The following PDIA5 variants were observed in gnomAD, a reference collection of about 807,000 sequenced individuals.
PDIA5 encodes the protein protein disulfide-isomerase A5.
Under a neutral mutation model 77.6 loss-of-function variants are expected in PDIA5, and 58 were observed. That is an observed-to-expected ratio of 0.75 (90% confidence interval 0.61 to 0.93). PDIA5 has a LOEUF of 0.93. Among genes scored for constraint, PDIA5 ranks in the 40% least tolerant of loss-of-function variants. PDIA5 has a pLI of 0.00. For synonymous variants in PDIA5, 250 were observed against 252.1 expected (o/e 0.99, Z 0.08); for missense variants, 630 against 647.7 (o/e 0.97, Z 0.30).
At chr3:123,137,861 T>A (rs1221199934) in intron 11 of PDIA5, among the ~76,000 whole-genome samples, 1 of 152,206 alleles carries the variant, frequency 6.6e-6, no homozygotes, top group Non-Finnish European at 1.5e-5. Context: ...GATATTAAAA[T>A]AGTGCCCTAT....
chr3:123,131,095 G>A (rs1478753276), intron 11 of PDIA5, among the ~76,000 whole-genome samples: 1 of 152,154 alleles, frequency 6.6e-6, no homozygotes, highest in Non-Finnish European at 1.5e-5. Context: ...CACATAGCAA[G>A]ACCCCATCTC....
At chr3:123,138,032 A>G (rs1309447947) in intron 11 of PDIA5, among the ~76,000 whole-genome samples, 42 of 152,280 alleles carry the variant, frequency 2.8e-4, no homozygotes, top group Non-Finnish European at 2.9e-5. Flanking sequence ...TGCAATTTCA[A>G]ACTCCTGGGT....
chr3:123,156,471 C>T (rs992974831), intron 15 of PDIA5, among the ~76,000 whole-genome samples: 2 of 152,232 alleles, frequency 1.3e-5, no homozygotes, highest in African/African-American at 4.8e-5. Context: ...TCATTGTTCC[C>T]ACCCACTTGT....
intron 7 of PDIA5, among the ~76,000 whole-genome samples, chr3:123,116,030 C>G (rs1322339212): frequency 1.3e-5 from 2 of 152,246 alleles, no homozygotes; most frequent in Non-Finnish European, 2.9e-5. Context: ...TTGTTTTGCA[C>G]CACTGATACA....
chr3:123,143,160 G>T (rs1489018439), intron 11 of PDIA5, among the ~76,000 whole-genome samples: 7 of 86,590 alleles, frequency 8.1e-5, no homozygotes, highest in Non-Finnish European at 2.1e-5. Context: ...GCCAAGGTGG[G>T]TGGATCACAG....
intron 11 of PDIA5, among the ~76,000 whole-genome samples, chr3:123,140,701 G>A (rs555493706): frequency 1.3e-4 from 20 of 152,254 alleles, no homozygotes; most frequent in South Asian, 4.1e-4. Context: ...ACTGTAAAAC[G>A]GACCTACTGA....
At chr3:123,120,114 C>T (rs1340514855) in intron 8 of PDIA5, among the ~76,000 whole-genome samples, 1 of 152,234 alleles carries the variant, frequency 6.6e-6, no homozygotes, top group East Asian at 1.9e-4. Flanking sequence ...TCTGCCTCTT[C>T]CCAGCCTTGC....
intron 10 of PDIA5, among the ~76,000 whole-genome samples, chr3:123,125,848 A>G (rs1576454282): frequency 6.6e-6 from 1 of 152,248 alleles, no homozygotes; most frequent in East Asian, 1.9e-4. Context: ...CCTGCCTGGG[A>G]AGGCTGCTGC....
At chr3:123,145,637 C>G in intron 12 of PDIA5, 45 bp downstream of exon 12, 1 of 1,494,468 alleles carries the variant, frequency 6.7e-7, no homozygotes. Context: ...TTGAAAGAAT[C>G]ACTGACAGGT....
intron 13 of PDIA5, among the ~76,000 whole-genome samples, chr3:123,148,590 G>A (rs1332738255): frequency 2.6e-5 from 4 of 151,230 alleles, no homozygotes; most frequent in Non-Finnish European, 5.9e-5. Flanking sequence ...AAAGGTTGAA[G>A]CTATTTTTAT....
chr3:123,111,248 C>T (rs1317521345), intron 7 of PDIA5, among the ~76,000 whole-genome samples: 2 of 152,210 alleles, frequency 1.3e-5, no homozygotes, highest in Non-Finnish European at 2.9e-5. Context: ...CCCTCTTTAT[C>T]CAGAGCTTCA....
chr3:123,145,977 A>T, intron 12 of PDIA5, 122 bp from the exon 13 acceptor site: 1 of 878,990 alleles, frequency 1.1e-6, no homozygotes, highest in Non-Finnish European at 1.8e-6. Context: ...CCACTGGGCT[A>T]GCCACCCCAG....
chr3:123,102,974 C>G (rs776683527), intron 5 of PDIA5, among the ~76,000 whole-genome samples, 178 bp downstream of exon 5: 2 of 152,230 alleles, frequency 1.3e-5, no homozygotes, highest in Non-Finnish European at 2.9e-5. Context: ...GTTTGTAGCT[C>G]TTAACACAAC....
At chr3:123,102,824 A>G (rs2241963) in intron 5 of PDIA5, 28 bp downstream of exon 5, 1,372,472 of 1,527,752 alleles carry the variant, frequency 0.9, 620,061 homozygotes, top group Non-Finnish European at 0.92. Context: ...GTTCTCAGCA[A>G]TGGTGGAGTC....
At chr3:123,128,846 TCTTA>T (rs1935303765) in intron 10 of PDIA5, among the ~76,000 whole-genome samples, 1 of 152,218 alleles carries the variant, frequency 6.6e-6, no homozygotes, top group South Asian at 2.1e-4. Context: ...TCTTTTATGT[TCTTA>T]GAGTGTTTCT....
intron 10 of PDIA5, among the ~76,000 whole-genome samples, chr3:123,125,200 T>TAA (rs1286315017): frequency 6.6e-6 from 1 of 152,198 alleles, no homozygotes; most frequent in Non-Finnish European, 1.5e-5. Context: ...GTTTGGCACT[T>TAA]ACCAGCCACT....
At chr3:123,108,696 G>A (rs1934795925) in intron 6 of PDIA5, among the ~76,000 whole-genome samples, 1 of 151,240 alleles carries the variant, frequency 6.6e-6, no homozygotes, top group East Asian at 2.0e-4. Context: ...GACCAGCCTG[G>A]CCAACATGGT....
chr3:123,085,298 G>T (rs1221616204), intron 1 of PDIA5, among the ~76,000 whole-genome samples: 1 of 152,176 alleles, frequency 6.6e-6, no homozygotes, highest in Non-Finnish European at 1.5e-5. Flanking sequence ...TGGGGGTGAG[G>T]GTAGGGAGGA....
At chr3:123,134,181 A>G (rs556240778) in intron 11 of PDIA5, among the ~76,000 whole-genome samples, 27 of 152,070 alleles carry the variant, frequency 1.8e-4, no homozygotes, top group Non-Finnish European at 3.5e-4. Flanking sequence ...ACACCGCCAC[A>G]CCTGGCTAAT....
Sources: allele counts gnomAD v4.1 joint callset (sites outside exome capture counted in the v4.1 genomes callset), GRCh38; gene constraint gnomAD v4.1.1; transcripts MANE v1.5; gene names NCBI Gene and HGNC (gene_info 2026-07-23, HGNC 2026-07-21).